The following PTPRN2 variants were observed in gnomAD, a reference collection of about 807,000 sequenced individuals.
PTPRN2 encodes protein tyrosine phosphatase receptor type N2.
In PTPRN2, 74 loss-of-function variants were observed where a neutral mutation model predicts 118.8. That is an observed-to-expected ratio of 0.62 (90% confidence interval 0.52 to 0.76). PTPRN2 has a LOEUF of 0.76. Ranked by LOEUF, PTPRN2 falls within the 30% of genes least tolerant of loss-of-function variation. The pLI is 0.00. For missense variants in PTPRN2, 1,481 were observed against 1,394.4 expected (o/e 1.06, Z -0.99); for synonymous variants, 641 against 608.0 (o/e 1.05, Z -0.80).
chr7:157,622,749 A>T lies in PTPRN2; in HGVS notation c.2197-1240T>A, dbSNP rs1047326278. Among the ~76,000 whole-genome samples the T allele has an allele frequency of 1.3e-5, 2 of 151,858 alleles. No homozygotes were observed. Among genetic ancestry groups the T allele is most frequent in the Non-Finnish European group, 2.9e-5 (2 of 67,960 alleles). Reference sequence around the variant, plus strand: ...GACAATCGCCTGGCTCAGGGTGGGCACTCTAAGGCCGTCTGTTGGGAGGTC... The same window carrying T: ...GACAATCGCCTGGCTCAGGGTGGGCTCTCTAAGGCCGTCTGTTGGGAGGTC... On this transcript the variant is annotated intron_variant, in intron 14 of 22. Coordinates refer to ENST00000389418, the MANE Select transcript of PTPRN2 (RefSeq NM_002847.5). This position sits in a 1 kb window ranked among gnomAD's most constrained non-coding sequence, Gnocchi z 5.3.
intron 1 of PTPRN2, among the ~76,000 whole-genome samples, chr7:158,545,044 G>A (rs1421869726): frequency 2.0e-5 from 3 of 152,342 alleles, no homozygotes; most frequent in African/African-American, 7.2e-5. Context: ...CCTGACTCCA[G>A]CCCAGCCCCA....
At chr7:157,902,013 T>C (rs1797489067) in intron 11 of PTPRN2, among the ~76,000 whole-genome samples, 3 of 152,352 alleles carry the variant, frequency 2.0e-5, no homozygotes, top group Non-Finnish European at 4.4e-5. Context: ...CCGTGTTTCC[T>C]TGGTTCTGGA....
At chr7:158,556,198 G>A (rs983199923) in intron 1 of PTPRN2, among the ~76,000 whole-genome samples, 1 of 152,202 alleles carries the variant, frequency 6.6e-6, no homozygotes, top group Non-Finnish European at 1.5e-5. Flanking sequence ...ATGATGGATA[G>A]GTAGACGATT....
chr7:158,172,485 C>T (rs899357706), intron 5 of PTPRN2, among the ~76,000 whole-genome samples: 1 of 151,482 alleles, frequency 6.6e-6, no homozygotes, highest in Non-Finnish European at 1.5e-5. Flanking sequence ...CCCTCACCAT[C>T]AGCATCATCC....
At chr7:158,070,342 C>T (rs114502842) in intron 11 of PTPRN2, among the ~76,000 whole-genome samples, 4,656 of 123,802 alleles carry the variant, frequency 0.038, 282 homozygotes, top group African/African-American at 0.14. Flanking sequence ...TGGAGGTGCC[C>T]GTGGTGGTGG....
At chr7:157,848,356 CAGA>C (rs1358447345) in intron 12 of PTPRN2, among the ~76,000 whole-genome samples, 1 of 151,470 alleles carries the variant, frequency 6.6e-6, no homozygotes. Context: ...AGTATGTTTA[CAGA>C]TGTTTACAGA....
chr7:158,318,179 C>T (rs974747075), intron 2 of PTPRN2, among the ~76,000 whole-genome samples: 1 of 152,182 alleles, frequency 6.6e-6, no homozygotes, highest in South Asian at 2.1e-4. Flanking sequence ...GGACAGGCCG[C>T]ACCACAGGCG....
chr7:157,811,182 A>G (rs914101812), intron 12 of PTPRN2, among the ~76,000 whole-genome samples: 1 of 151,402 alleles, frequency 6.6e-6, no homozygotes, highest in Non-Finnish European at 1.5e-5. Context: ...GAGGCAGGAG[A>G]ATGGCATGAA....
chr7:157,644,519 T>C (rs1337972573), intron 14 of PTPRN2, among the ~76,000 whole-genome samples: 1 of 152,152 alleles, frequency 6.6e-6, no homozygotes, highest in East Asian at 1.9e-4. Flanking sequence ...GCACTCTGGC[T>C]GGGCGCGGTG....
At position 157,540,447 on chromosome 7, in the gene PTPRN2, C is replaced by A; in HGVS notation, c.*267G>T. On this transcript the variant is annotated 3_prime_UTR_variant, in exon 23 of 23. Coordinates refer to ENST00000389418, the MANE Select transcript of PTPRN2 (RefSeq NM_002847.5). Reference sequence around the variant, plus strand: ...CTTCAACCAAGAAGGTGAACGGGTGCTTTAAGAAAAAGTATTTTTTTTAAG... The same window carrying A: ...CTTCAACCAAGAAGGTGAACGGGTGATTTAAGAAAAAGTATTTTTTTTAAG... The A allele has an allele frequency of 2.9e-6, 1 of 342,824 alleles. No homozygotes were observed. Among genetic ancestry groups the A allele is most frequent in the Non-Finnish European group, 5.3e-6 (1 of 188,400 alleles). The allele number at this position is 342,824 out of a possible 1,614,324, so 21.2% of individuals were successfully genotyped here. A position where few individuals can be genotyped will look rare whatever the true frequency, so the allele number is the denominator to read the frequency against.
chr7:158,305,383 G>A (rs1801203841), intron 3 of PTPRN2, among the ~76,000 whole-genome samples: 1 of 152,138 alleles, frequency 6.6e-6, no homozygotes. Flanking sequence ...AAAGATAGAG[G>A]GAGAGAGGGA....
At position 157,868,073 on chromosome 7, in the gene PTPRN2, C is replaced by G. The variant is rs1315358117; in HGVS notation, c.1788+30600G>C. Among the ~76,000 whole-genome samples, 1 of 152,242 alleles carries G rather than the reference C, an allele frequency of 6.6e-6. No individual in the cohort carries two copies. Among genetic ancestry groups the G allele is most frequent in the Non-Finnish European group, 1.5e-5 (1 of 68,040 alleles). ...GTCCTCTAGGAACCCAGCCCGCATC[C>G]TGGGCAAGAGGCCCACATGCACCTT... On this transcript the variant is annotated intron_variant, in intron 12 of 22. Coordinates refer to ENST00000389418, the MANE Select transcript of PTPRN2 (RefSeq NM_002847.5). This position sits in a 1 kb window ranked among gnomAD's most constrained non-coding sequence, Gnocchi z 5.2.
chr7:158,129,162 CACACATACA>C (rs954998334), intron 9 of PTPRN2, among the ~76,000 whole-genome samples: 1 of 151,514 alleles, frequency 6.6e-6, no homozygotes, highest in African/African-American at 2.4e-5. Context: ...CTACACACCA[CACACATACA>C]ACACATACCA....
At chr7:158,523,233 G>A (rs1453878932) in intron 1 of PTPRN2, among the ~76,000 whole-genome samples, 1 of 152,204 alleles carries the variant, frequency 6.6e-6, no homozygotes, top group Non-Finnish European at 1.5e-5. Flanking sequence ...CCAGGGGCGG[G>A]GGTGGTGGGT....
intron 9 of PTPRN2, among the ~76,000 whole-genome samples, chr7:158,118,407 A>T (rs573999866): frequency 3.9e-5 from 6 of 152,234 alleles, no homozygotes; most frequent in African/African-American, 1.4e-4. Flanking sequence ...AATACGTACA[A>T]AAAGAAGAAA....
rs930878665 is a variant in PTPRN2 at position 157,611,475 on chromosome 7, G to A, written c.2345-7400C>T. ...GCCGTGGCCAGGCAGCGCCCGCCCA[G>A]TCACTGAGCTGACTTGGAGGCACCA... On this transcript the variant is annotated intron_variant, in intron 15 of 22. Transcript: ENST00000389418. The surrounding 1 kb of genome is among the most constrained non-coding windows in gnomAD (Gnocchi z 5.9). 5.3e-4 allele frequency among the ~76,000 whole-genome samples: 81 copies of A among 152,176 alleles called. No homozygotes were observed. The highest frequency in any genetic ancestry group is 1.0e-3 in the Non-Finnish European group (68 of 68,014).
intron 6 of PTPRN2, among the ~76,000 whole-genome samples, chr7:158,148,531 C>T (rs1820454812): frequency 3.1e-5 from 4 of 129,982 alleles, no homozygotes; most frequent in African/African-American, 9.0e-5. Context: ...CATCTCACGC[C>T]ACAGGTCTTT....
intron 2 of PTPRN2, among the ~76,000 whole-genome samples, chr7:158,340,543 C>T (rs1306998547): frequency 1.6e-5 from 2 of 125,364 alleles, no homozygotes; most frequent in Admixed American, 8.2e-5. Context: ...AGCTGTCGCC[C>T]GCAGAGGTCA....
chr7:157,649,565 G>A (rs867697703), intron 14 of PTPRN2, among the ~76,000 whole-genome samples: 42 of 110,992 alleles, frequency 3.8e-4, no homozygotes, highest in African/African-American at 1.0e-3. Flanking sequence ...CCCATCCAGC[G>A]TGCACTGAAC....
Sources: allele counts gnomAD v4.1 joint callset (sites outside exome capture counted in the v4.1 genomes callset), GRCh38; gene constraint gnomAD v4.1.1; non-coding constraint Gnocchi (gnomAD v3.1); transcripts MANE v1.5; gene names NCBI Gene and HGNC (gene_info 2026-07-23, HGNC 2026-07-21).